Variants in TASOR2 observed in about 807,000 individuals in gnomAD.
TASOR2 encodes the protein protein TASOR 2.
In TASOR2, 84 loss-of-function variants were observed where a neutral mutation model predicts 199.5. That is an observed-to-expected ratio of 0.42 (90% CI 0.35 to 0.50). The LOEUF is 0.50. Among genes scored for constraint, TASOR2 ranks in the 20% least tolerant of loss-of-function variants. The probability of loss-of-function intolerance (pLI) is 0.02; values close to 1 mark genes in which losing one functional copy is unlikely to be tolerated. For missense variants in TASOR2, 2,796 were observed against 2,835.9 expected (o/e 0.99, Z 0.32); for synonymous variants, 1,103 against 1,046.6 (o/e 1.05, Z -1.04).
rs756359318 is a variant in TASOR2, at chr10:5,746,288, T to C, written c.2867T>C (p.Ile956Thr). Residue 956 changes from isoleucine to threonine, a missense_variant, in exon 15 of 21, where the codon ATT (isoleucine) becomes ACT (threonine). Physicochemically the swap from Ile to Thr is moderately conservative, Grantham distance 89. Around this residue, in one of 3 missense-constraint regions of TASOR2, gnomAD observed 1,941 missense variants for 1,924.9 expected, o/e 1.01. Coordinates refer to ENST00000328090, the Ensembl canonical transcript of TASOR2. ...CCTTCTGTTCCTAGTGAAGAAGAAATTGTTCAGCCACTGGATAGCACAAGA... is the reference window on the plus strand; with the variant it reads ...CCTTCTGTTCCTAGTGAAGAAGAAACTGTTCAGCCACTGGATAGCACAAGA... 1.5e-5 allele frequency: 25 copies of C among 1,613,988 alleles called. No homozygotes were observed. In the Admixed American group the frequency reaches 3.7e-4, roughly 24 times the overall value.
At chr10:5,755,570 T>G (rs1838810014) in intron 15 of TASOR2, among the ~76,000 whole-genome samples, 1 of 150,202 alleles carries the variant, frequency 6.7e-6, no homozygotes, top group Non-Finnish European at 1.5e-5. Context: ...TAAGACAACA[T>G]CTCAAAAAAA....
chr10:5,722,693 A>G lies in TASOR2; in HGVS notation c.147-984A>G, dbSNP rs1308829004. ...GCAACTTTTGTATAAGTGTAAAAGCATTTTAAAATGAGTTTTTAAAAAGGA... is the reference window on the plus strand; with the variant it reads ...GCAACTTTTGTATAAGTGTAAAAGCGTTTTAAAATGAGTTTTTAAAAAGGA... On this transcript the variant is annotated intron_variant, in intron 6 of 20. Coordinates refer to ENST00000328090, the Ensembl canonical transcript of TASOR2. The surrounding 1 kb of genome is among the most constrained non-coding windows in gnomAD (Gnocchi z 4.0). Among the ~76,000 whole-genome samples, 1 of 152,062 alleles carries G rather than the reference A, an allele frequency of 6.6e-6. No homozygotes were observed. Among genetic ancestry groups the G allele is most frequent in the African/African-American group, 2.4e-5 (1 of 41,414 alleles).
chr10:5,702,657 TTTTTG>T (rs1233413252), intron 1 of TASOR2, among the ~76,000 whole-genome samples: 1,392 of 134,338 alleles, frequency 0.01, 15 homozygotes, highest in African/African-American at 0.041. Flanking sequence ...TTTTTTTTTT[TTTTTG>T]GTAAGTAAGG....
exon 15 of TASOR2, chr10:5,749,957 A>T (rs1837793434): frequency 1.2e-6 from 2 of 1,614,122 alleles, no homozygotes; most frequent in Non-Finnish European, 1.7e-6. Context: ...GTTGTGAAAG[A>T]GGCTTGTAAA....
chr10:5,747,735 C>G, exon 15 of TASOR2: 1 of 1,614,184 alleles, frequency 6.2e-7, no homozygotes, highest in Non-Finnish European at 8.5e-7. Flanking sequence ...GCAACCAAAT[C>G]TCCCAATGTG....
At chr10:5,725,121 C>T (rs181613444) in intron 8 of TASOR2, among the ~76,000 whole-genome samples, 46 of 152,236 alleles carry the variant, frequency 3.0e-4, no homozygotes, top group African/African-American at 9.9e-4. Flanking sequence ...GATTCACGGC[C>T]AGGCGTGGTG....
intron 12 of TASOR2, 108 bp from the exon 14 acceptor site, chr10:5,739,510 T>C: frequency 9.6e-7 from 1 of 1,040,034 alleles, no homozygotes; most frequent in Non-Finnish European, 1.4e-6. Flanking sequence ...CAATATATGT[T>C]ACATAAGTTT....
At chr10:5,762,888 C>G (rs2131672153) in intron 20 of TASOR2, 141 bp from the exon 22 acceptor site, 1 of 725,762 alleles carries the variant, frequency 1.4e-6, no homozygotes, top group Middle Eastern at 3.0e-4. Context: ...TTTTCACTTG[C>G]TGTTAACTTG....
In TASOR2 at chr10:5,720,813, T is replaced by TC. The variant is rs1833261783; in HGVS notation, c.46+40dup. 1.3e-6 allele frequency: 2 copies of TC among 1,598,980 alleles called. No homozygotes were observed. Among genetic ancestry groups the TC allele is most frequent in the South Asian group, 1.2e-5 (1 of 86,932 alleles). On this transcript the variant is annotated intron_variant, in intron 5 of 20. Coordinates refer to ENST00000328090, the Ensembl canonical transcript of TASOR2. The surrounding 1 kb of genome is among the most constrained non-coding windows in gnomAD (Gnocchi z 5.3). ...CATTGATTCTTTTAGGTTTTTTTTT[T>TC]CTTGAGTAAATGTTTCATCATAAAT...
chr10:5,749,558 C>T (rs1837725252), exon 15 of TASOR2: 14 of 1,614,094 alleles, frequency 8.7e-6, no homozygotes, highest in Non-Finnish European at 1.2e-5. Context: ...GTTGTGGAGT[C>T]AGATCCCAGA....
At chr10:5,708,466 G>A (rs1358575728) in intron 1 of TASOR2, among the ~76,000 whole-genome samples, 1 of 152,096 alleles carries the variant, frequency 6.6e-6, no homozygotes, top group African/African-American at 2.4e-5. Context: ...CACATTTATA[G>A]TACTAATTTC....
chr10:5,697,894 T>C (rs993084299), intron 1 of TASOR2, among the ~76,000 whole-genome samples: 2 of 152,226 alleles, frequency 1.3e-5, no homozygotes, highest in African/African-American at 4.8e-5. Flanking sequence ...TATGTTGGTT[T>C]TTTGTTCTTT....
chr10:5,689,789 C>G lies in TASOR2; in HGVS notation c.-288+4614C>G, dbSNP rs138818282. On this transcript the variant is annotated intron_variant, in intron 1 of 20. Coordinates refer to ENST00000328090, the Ensembl canonical transcript of TASOR2. This position sits in a 1 kb window ranked among gnomAD's most constrained non-coding sequence, Gnocchi z 4.1. ...GTAAATATTCTCTTCTGGTCTTTTA[C>G]TCTTCTTTCACTTTGTTTCCCACAG... 2.0e-3 allele frequency among the ~76,000 whole-genome samples: 304 copies of G among 152,130 alleles called. 1 individual carries two copies. The highest frequency in any genetic ancestry group is 7.0e-3 in the African/African-American group (289 of 41,512).
rs905629764 is a variant in TASOR2, at chr10:5,685,035, G to T, written c.-428G>T. On this transcript the variant is annotated 5_prime_UTR_variant, in exon 1 of 21. Coordinates refer to ENST00000328090, the Ensembl canonical transcript of TASOR2. The surrounding 1 kb of genome is among the most constrained non-coding windows in gnomAD (Gnocchi z 5.4). ...CCCTGAGGGGGGTCCCCGCGGGAGC[G>T]CGGAGCCGGCGACTGGTGCTTCCCA... 5 of 397,720 alleles carry T rather than the reference G, an allele frequency of 1.3e-5. No homozygotes were observed. Among genetic ancestry groups the T allele is most frequent in the Non-Finnish European group, 2.2e-5 (5 of 225,480 alleles). The allele number at this position is 397,720 out of a possible 1,614,324, so 24.6% of individuals were successfully genotyped here. A position where few individuals can be genotyped will look rare whatever the true frequency, so the allele number is the denominator to read the frequency against.
At chr10:5,747,450 GTCAGTATATCCC>G in exon 15 of TASOR2, 1 of 1,614,160 alleles carries the variant, frequency 6.2e-7, no homozygotes. Flanking sequence ...CTGACAATGT[GTCAGTATATCCC>G]TCAGTGTCAG....
intron 10 of TASOR2, among the ~76,000 whole-genome samples, chr10:5,729,376 C>A (rs1422694617): frequency 6.6e-6 from 1 of 151,074 alleles, no homozygotes; most frequent in African/African-American, 2.4e-5. Context: ...AACAAAAAGA[C>A]CAGAGCAATA....
Position 5,751,822 on chromosome 10 carries a change from A to G in TASOR2, c.6606+1795A>G, listed in dbSNP as rs77628019. ...TATACATATGTACATACGTATATCT[A>G]CATCTCTATTTATGTATAAAAAGCA... On this transcript the variant is annotated intron_variant, in intron 15 of 20. Coordinates refer to ENST00000328090, the Ensembl canonical transcript of TASOR2. The surrounding 1 kb of genome is among the most constrained non-coding windows in gnomAD (Gnocchi z 5.3). 0.017 allele frequency among the ~76,000 whole-genome samples: 2,641 copies of G among 152,312 alleles called. 41 individuals carry two copies. The highest frequency in any genetic ancestry group is 0.038 in the African/African-American group (1,591 of 41,564).
chr10:5,692,368 A>T (rs1836541904), intron 1 of TASOR2, among the ~76,000 whole-genome samples: 1 of 152,146 alleles, frequency 6.6e-6, no homozygotes. Context: ...AGATATCCTT[A>T]CTAGGGGCTT....
In TASOR2 at chr10:5,737,704, C is replaced by T. The variant is rs968781221; in HGVS notation, c.1448-1914C>T. Among the ~76,000 whole-genome samples, 13 of 152,118 alleles carry T rather than the reference C, an allele frequency of 8.5e-5. No individual in the cohort carries two copies. The highest frequency in any genetic ancestry group is 1.7e-4 in the African/African-American group (7 of 41,428). On this transcript the variant is annotated intron_variant, in intron 12 of 20. Transcript: ENST00000328090. The surrounding 1 kb of genome is among the most constrained non-coding windows in gnomAD (Gnocchi z 4.9). The stretch of plus-strand genomic sequence containing the variant: ...TTCAATTCATCTGACATGTCTTGGT[C>T]CAATCTTTCCAATTTGTAAACATGA...
Sources: allele counts gnomAD v4.1 joint callset (sites outside exome capture counted in the v4.1 genomes callset), GRCh38; gene constraint gnomAD v4.1.1; regional missense constraint gnomAD v4.1.1; non-coding constraint Gnocchi (gnomAD v3.1); transcripts MANE v1.5; gene names NCBI Gene and HGNC (gene_info 2026-07-23, HGNC 2026-07-21).